Variants in CDH12 observed in about 807,000 individuals in gnomAD.
The protein encoded by CDH12 is cadherin-12.
In CDH12, 41 loss-of-function variants were observed where a neutral mutation model predicts 74.1. That is an observed-to-expected ratio of 0.55 (90% CI 0.43 to 0.72). CDH12 has a LOEUF of 0.72. CDH12 is among the 30% of genes least tolerant of loss of function. CDH12 has a pLI of 0.00. For missense variants in CDH12, 945 were observed against 977.2 expected (o/e 0.97, Z 0.44); for synonymous variants, 399 against 355.0 (o/e 1.12, Z -1.39).
At chr5:21,981,067 T>C (rs889196539) in intron 5 of CDH12, among the ~76,000 whole-genome samples, 2 of 152,146 alleles carry the variant, frequency 1.3e-5, no homozygotes, top group African/African-American at 4.8e-5. Flanking sequence ...CTTATAAAAA[T>C]ACATATATAA....
At chr5:21,821,619 A>G (rs1159727046) in intron 8 of CDH12, among the ~76,000 whole-genome samples, 1 of 151,986 alleles carries the variant, frequency 6.6e-6, no homozygotes, top group African/African-American at 2.4e-5. Context: ...TAATAATACA[A>G]GAACACTAGA....
chr5:22,007,451 C>G (rs1737033972), intron 5 of CDH12, among the ~76,000 whole-genome samples: 1 of 137,474 alleles, frequency 7.3e-6, no homozygotes, highest in Non-Finnish European at 1.5e-5. Flanking sequence ...AGATATACAA[C>G]TTTTTTTTAG....
chr5:22,568,443 T>C (rs1478163245), intron 1 of CDH12, among the ~76,000 whole-genome samples: 1 of 152,190 alleles, frequency 6.6e-6, no homozygotes, highest in East Asian at 1.9e-4. Context: ...CAGCTACAGT[T>C]ACTTCAAATA....
At chr5:22,459,783 G>A (rs1017292991) in intron 2 of CDH12, among the ~76,000 whole-genome samples, 5 of 151,926 alleles carry the variant, frequency 3.3e-5, no homozygotes, top group Non-Finnish European at 5.9e-5. Flanking sequence ...TGGTTAATAC[G>A]GTGAAACCCC....
intron 1 of CDH12, among the ~76,000 whole-genome samples, chr5:22,664,830 CT>C (rs1324764440): frequency 6.6e-6 from 1 of 152,136 alleles, no homozygotes; most frequent in Non-Finnish European, 1.5e-5. Context: ...ACACATACTA[CT>C]ATGAATTCAG....
At chr5:22,147,704 A>G (rs1439109497) in intron 4 of CDH12, among the ~76,000 whole-genome samples, 3 of 152,088 alleles carry the variant, frequency 2.0e-5, no homozygotes, top group Non-Finnish European at 4.4e-5. Flanking sequence ...AAAGGCAATG[A>G]GAGTCAAGAG....
Position 21,793,957 on chromosome 5 carries a change from A to G in CDH12, c.1256+8210T>C, listed in dbSNP as rs867890277. On this transcript the variant is annotated intron_variant, in intron 10 of 14. Transcript: ENST00000382254. Reference sequence around the variant, plus strand: ...ATTATTATTATATAGTTGGGACTATACTGAATAAGGTTTCATATACTTTGT... The same window carrying G: ...ATTATTATTATATAGTTGGGACTATGCTGAATAAGGTTTCATATACTTTGT... Among the ~76,000 whole-genome samples, 49 of 150,494 alleles carry G rather than the reference A, an allele frequency of 3.3e-4. 1 individual carries two copies. The highest frequency in any genetic ancestry group is 3.1e-3 in the Admixed American group (47 of 15,016).
intron 1 of CDH12, among the ~76,000 whole-genome samples, chr5:22,651,361 G>A (rs912473755): frequency 2.6e-5 from 4 of 152,166 alleles, no homozygotes; most frequent in Admixed American, 6.6e-5. Flanking sequence ...GGAAGGGGGA[G>A]GCTTAATAGA....
chr5:22,364,647 T>C (rs1177779063), intron 3 of CDH12, among the ~76,000 whole-genome samples: 1 of 152,210 alleles, frequency 6.6e-6, no homozygotes, highest in Non-Finnish European at 1.5e-5. Flanking sequence ...GGCATCTTGC[T>C]ACCTAGAAGA....
chr5:22,698,246 C>G (rs567810016), intron 1 of CDH12, among the ~76,000 whole-genome samples: 27 of 150,074 alleles, frequency 1.8e-4, no homozygotes, highest in African/African-American at 6.6e-4. Context: ...CTCAGCCTCC[C>G]AAGTAGCTGG....
At chr5:22,743,380 T>C (rs1745134342) in intron 1 of CDH12, among the ~76,000 whole-genome samples, 1 of 151,468 alleles carries the variant, frequency 6.6e-6, no homozygotes, top group Admixed American at 6.6e-5. Flanking sequence ...CTATTAAGCA[T>C]AAAATCTTAG....
intron 2 of CDH12, among the ~76,000 whole-genome samples, chr5:22,491,512 T>C (rs966916070): frequency 4.0e-5 from 6 of 149,482 alleles, no homozygotes; most frequent in Middle Eastern, 3.5e-3. Context: ...AGATGGCTTA[T>C]AGGGGTGTCC....
chr5:22,505,876 T>C (rs1305828233), intron 1 of CDH12, among the ~76,000 whole-genome samples: 1 of 152,116 alleles, frequency 6.6e-6, no homozygotes, highest in East Asian at 1.9e-4. Flanking sequence ...TATGGTTTTT[T>C]GGGAGGAGGA....
intron 8 of CDH12, among the ~76,000 whole-genome samples, chr5:21,829,159 G>A (rs1475005800): frequency 6.6e-6 from 1 of 152,142 alleles, no homozygotes; most frequent in African/African-American, 2.4e-5. Context: ...ATCAGGTGTG[G>A]TAGTGCGTAC....
intron 3 of CDH12, among the ~76,000 whole-genome samples, chr5:22,392,167 C>G (rs1742276303): frequency 1.3e-5 from 2 of 152,156 alleles, no homozygotes; most frequent in Non-Finnish European, 2.9e-5. Context: ...AGGAATAAAC[C>G]TGGACATGAA....
rs950424298 is a variant in CDH12, at chr5:22,311,532, T to A, written c.-333+93725A>T. On this transcript the variant is annotated intron_variant, in intron 3 of 14. Coordinates refer to ENST00000382254, the MANE Select transcript of CDH12 (RefSeq NM_004061.5). ...GCCTGACCAACATGGTGAAACCTCA[T>A]CTCTACTAAAAATATAACAATTAGC... 2.6e-5 allele frequency among the ~76,000 whole-genome samples: 4 copies of A among 152,000 alleles called. No individual in the cohort carries two copies. The South Asian group carries it at 8.3e-4, about 32-fold the overall frequency.
chr5:22,725,945 G>C (rs1744143158), intron 1 of CDH12, among the ~76,000 whole-genome samples: 1 of 151,594 alleles, frequency 6.6e-6, no homozygotes, highest in Non-Finnish European at 1.5e-5. Flanking sequence ...AGCAGCTTTA[G>C]TTTTACAGCA....
intron 1 of CDH12, among the ~76,000 whole-genome samples, chr5:22,832,690 AT>A (rs1228326843): frequency 6.6e-6 from 1 of 152,194 alleles, no homozygotes; most frequent in Non-Finnish European, 1.5e-5. Flanking sequence ...TTTTTAAAAA[AT>A]ATTACTGTTT....
chr5:22,317,305 G>A (rs558522709), intron 3 of CDH12, among the ~76,000 whole-genome samples: 1 of 151,792 alleles, frequency 6.6e-6, no homozygotes, highest in East Asian at 1.9e-4. Context: ...GCTACAGAGT[G>A]AGTCTCTGTC....
Sources: allele counts gnomAD v4.1 joint callset (sites outside exome capture counted in the v4.1 genomes callset), GRCh38; gene constraint gnomAD v4.1.1; transcripts MANE v1.5; gene names NCBI Gene and HGNC (gene_info 2026-07-23, HGNC 2026-07-21).